SLC3A1: variants seen among roughly 807,000 people sequenced by gnomAD.
The protein encoded by SLC3A1 is solute carrier family 3 member 1, also known as amino acid transporter heavy chain SLC3A1.
In SLC3A1, 78 loss-of-function variants were observed where a neutral mutation model predicts 60.3. The ratio of observed to expected loss-of-function variants is 1.29; its 90% CI spans 1.08 to 1.56. The LOEUF (loss-of-function observed/expected upper bound fraction) is 1.56, where lower values mean the gene tolerates loss of function less well. Ranked by LOEUF, SLC3A1 falls within the 40% of genes most tolerant of loss-of-function variation. The probability of loss-of-function intolerance (pLI) is 0.00; values close to 1 mark genes in which losing one functional copy is unlikely to be tolerated. For synonymous variants in SLC3A1, 392 were observed against 307.9 expected, an observed-to-expected ratio of 1.27 and a Z score of -2.86; for missense variants, 1,172 against 858.9, an observed-to-expected ratio of 1.36 and a Z score of -4.56.
intron 6 of SLC3A1, among the ~76,000 whole-genome samples, chr2:44,302,014 C>T (rs543857515): frequency 6.6e-6 from 1 of 152,282 alleles, no homozygotes; most frequent in African/African-American, 2.4e-5. Flanking sequence ...GAGATCATGC[C>T]ACTGTGCTCC....
At chr2:44,314,991 G>GAGGT (rs1672393062) in intron 9 of SLC3A1, 1 of 141,614 alleles carries the variant, frequency 7.1e-6, no homozygotes, top group East Asian at 2.1e-4. Flanking sequence ...GAGTGCAATG[G>GAGGT]TGTGGTCTTG....
rs190865552 is a variant in SLC3A1, at chr2:44,298,934, A to G, written c.892-1037A>G. 2.6e-3 allele frequency among the ~76,000 whole-genome samples: 391 copies of G among 152,308 alleles called. 3 individuals carry two copies. Among genetic ancestry groups the G allele is most frequent in the African/African-American group, 8.9e-3 (371 of 41,574 alleles). On this transcript the variant is annotated intron_variant, in intron 4 of 9. Coordinates refer to ENST00000260649, the MANE Select transcript of SLC3A1 (RefSeq NM_000341.4). The stretch of plus-strand genomic sequence containing the variant: ...GGAAGAAAGTCTGTCACCAAAGAAT[A>G]AAATTAAATGTATGAGAACCTGGAT...
In SLC3A1 at chr2:44,275,672, A is replaced by G. The variant is rs1464054052; in HGVS notation, c.137A>G (p.His46Arg). 1.9e-6 allele frequency: 3 copies of G among 1,614,086 alleles called. No individual in the cohort carries two copies. Among genetic ancestry groups the G allele is most frequent in the African/African-American group, 2.7e-5 (2 of 74,946 alleles). Residue 46 changes from histidine (H) to arginine (R), a missense_variant, in exon 1 of 10, where the codon CAC becomes CGC. Transcript: ENST00000260649. ...DPGSSTDNLK[H>R]STRGILGSQE... ...GGAAGCTCAACAGACAACCTGAAGC[A>G]CAGCACCAGGGGCATCCTTGGCTCC...
Position 44,275,569 on chromosome 2 carries a change from G to T in SLC3A1, c.34G>T (p.Glu12Ter). 6.2e-7 allele frequency: 1 copy of T among 1,614,152 alleles called. No individual in the cohort carries two copies. The highest frequency in any genetic ancestry group is 8.5e-7 in the Non-Finnish European group (1 of 1,180,024). Residue 12 changes from glutamate (E) to a stop codon, truncating the protein, a stop_gained, in exon 1 of 10, where the codon GAG (glutamate) becomes TAG (stop). Coordinates refer to ENST00000260649, the MANE Select transcript of SLC3A1 (RefSeq NM_000341.4). LOFTEE classifies it high-confidence loss of function. The part of the protein sequence containing the change: ...AEDKSKRDSI[E>*]MSMKGCQTNN... ...AGATAAAAGCAAGAGAGACTCCATC[G>T]AGATGAGTATGAAGGGATGCCAGAC...
intron 4 of SLC3A1, among the ~76,000 whole-genome samples, chr2:44,287,262 A>T (rs1436981467): frequency 6.6e-6 from 1 of 152,130 alleles, no homozygotes; most frequent in Non-Finnish European, 1.5e-5. Flanking sequence ...TGGCTCTTCT[A>T]TATAAAGTGT....
At chr2:44,305,897 G>A (rs1471723133) in intron 7 of SLC3A1, among the ~76,000 whole-genome samples, 1 of 152,136 alleles carries the variant, frequency 6.6e-6, no homozygotes, top group Non-Finnish European at 1.5e-5. Flanking sequence ...CAAATGAGGT[G>A]TCAGGTCTAC....
intron 9 of SLC3A1, among the ~76,000 whole-genome samples, chr2:44,317,352 C>T (rs1672508649): frequency 6.6e-6 from 1 of 151,798 alleles, no homozygotes; most frequent in Non-Finnish European, 1.5e-5. Context: ...GTCCCAACTA[C>T]TCAGGAGGCT....
intron 9 of SLC3A1, chr2:44,319,903 T>C (rs1325421539): frequency 5.9e-6 from 2 of 336,622 alleles, no homozygotes; most frequent in African/African-American, 2.1e-5. Flanking sequence ...ACATGGACAT[T>C]TGCTTTGGGA....
chr2:44,275,896 G>A lies in SLC3A1; in HGVS notation c.361G>A (p.Gly121Arg). ...AAAGTGCCTAGACTGGTGGCAGGAG[G>A]GGCCCATGTACCAGATCTACCCAAG... ...SPKCLDWWQE[G>R]PMYQIYPRSF... is the part of the protein sequence containing the mutation. The change falls in exon 1 of 10, where the codon GGG becomes AGG. Residue 121 changes from glycine (G) to arginine (R), a missense_variant. Gly to Arg is a moderately radical substitution (Grantham distance 125). Coordinates refer to ENST00000260649, the MANE Select transcript of SLC3A1 (RefSeq NM_000341.4). 2 of 1,613,980 alleles carry A rather than the reference G, an allele frequency of 1.2e-6. No individual in the cohort carries two copies. The highest frequency in any genetic ancestry group is 1.1e-5 in the South Asian group (1 of 91,084).
At chr2:44,322,423 A>G (rs919491459), downstream of SLC3A1, among the ~76,000 whole-genome samples, 2 of 152,228 alleles carry the variant, frequency 1.3e-5, no homozygotes, top group African/African-American at 4.8e-5. Flanking sequence ...GGCTCAATAA[A>G]TATTGTTAAA....
chr2:44,306,376 C>G (rs1344348141), intron 7 of SLC3A1, among the ~76,000 whole-genome samples: 1 of 152,062 alleles, frequency 6.6e-6, no homozygotes, highest in East Asian at 1.9e-4. Context: ...TTTTCTGATG[C>G]TTTAATAGGC....
chr2:44,318,561 CAT>C (rs1387741861), intron 9 of SLC3A1: 10 of 152,330 alleles, frequency 6.6e-5, no homozygotes, highest in Non-Finnish European at 1.3e-4. Context: ...AGAATGGTAA[CAT>C]ATCACCAACT....
chr2:44,281,625 G>T, intron 3 of SLC3A1, 84 bp downstream of exon 3: 1 of 1,300,580 alleles, frequency 7.7e-7, no homozygotes, highest in Non-Finnish European at 1.1e-6. Context: ...CCTTTTGAGG[G>T]AAAAATGAAT....
chr2:44,302,026 G>T (rs1164998175), intron 6 of SLC3A1, among the ~76,000 whole-genome samples: 1 of 152,192 alleles, frequency 6.6e-6, no homozygotes, highest in Non-Finnish European at 1.5e-5. Flanking sequence ...CTGTGCTCCA[G>T]TCTGGGCAAC....
intron 9 of SLC3A1, chr2:44,314,473 T>C: frequency 5.7e-6 from 1 of 175,362 alleles, no homozygotes; most frequent in Non-Finnish European, 1.2e-5. Flanking sequence ...CCCATAGTGA[T>C]CAAGCACTAA....
rs1335919455 is a variant in SLC3A1, at chr2:44,304,333, T to A, written c.1327T>A (p.Trp443Arg). 6.2e-7 allele frequency: 1 copy of A among 1,613,078 alleles called. No homozygotes were observed. ...ENMPEGKWPN[W>R]MIGGPDSSRL... ...CATGCCAGAAGGAAAATGGCCTAAC[T>A]GGATGGTAAGTCCTCATGACAGCAG... Residue 443 changes from tryptophan to arginine, a missense_variant, in exon 7 of 10, where the codon TGG becomes AGG. Physicochemically the swap from Trp to Arg is moderately radical, Grantham distance 101. Transcript: ENST00000260649.
chr2:44,306,407 C>A (rs185432972), intron 7 of SLC3A1, among the ~76,000 whole-genome samples: 2 of 152,228 alleles, frequency 1.3e-5, no homozygotes, highest in Admixed American at 1.3e-4. Context: ...GTTTCCATTG[C>A]CAGAGCCTTT....
intron 4 of SLC3A1, among the ~76,000 whole-genome samples, chr2:44,288,062 C>G (rs1055152920): frequency 2.0e-5 from 3 of 149,860 alleles, no homozygotes; most frequent in South Asian, 2.1e-4. Context: ...CAGTCTTGCT[C>G]TGTCGCCCAG....
intron 1 of SLC3A1, among the ~76,000 whole-genome samples, chr2:44,280,264 G>A (rs757447464): frequency 6.6e-6 from 1 of 151,656 alleles, no homozygotes; most frequent in African/African-American, 2.4e-5. Context: ...TTTGAGAAAG[G>A]GTCTTGCTCT....
Sources: allele counts gnomAD v4.1 joint callset (sites outside exome capture counted in the v4.1 genomes callset), GRCh38; gene constraint gnomAD v4.1.1; transcripts MANE v1.5; gene names NCBI Gene and HGNC (gene_info 2026-07-23, HGNC 2026-07-21).